CFAP299: variants seen among roughly 807,000 people sequenced by gnomAD.
CFAP299 encodes cilia- and flagella-associated protein 299.
CFAP299 carries 21 observed loss-of-function variants against 27.0 expected under a neutral mutation model. The ratio of observed to expected loss-of-function variants is 0.78; its 90% CI spans 0.55 to 1.12. CFAP299 has a LOEUF of 1.12. Ranked by LOEUF, CFAP299 falls within the 50% of genes most tolerant of loss-of-function variation. The pLI, the probability that CFAP299 is intolerant of heterozygous loss-of-function variation, is 0.00. For synonymous variants in CFAP299, 104 were observed against 98.1 expected (o/e 1.06, Z -0.36); for missense variants, 310 against 276.6 (o/e 1.12, Z -0.86).
At chr4:80,768,734 ATT>A (rs1318361437) in intron 3 of CFAP299, among the ~76,000 whole-genome samples, 1 of 152,154 alleles carries the variant, frequency 6.6e-6, no homozygotes, top group African/African-American at 2.4e-5. Context: ...TTCAATATAT[ATT>A]GTTTAAGTTT....
intron 2 of CFAP299, among the ~76,000 whole-genome samples, chr4:80,459,956 A>C (rs1350832706): frequency 6.6e-6 from 1 of 152,220 alleles, no homozygotes. Flanking sequence ...TTAATATGCA[A>C]GGGTGTGTAT....
intron 2 of CFAP299, among the ~76,000 whole-genome samples, chr4:80,520,008 G>C (rs12644366): frequency 0.068 from 10,352 of 152,206 alleles, 381 homozygotes; most frequent in South Asian, 0.17. Context: ...AGCTATACAA[G>C]AGAGGCTTTC....
chr4:80,465,875 A>T (rs1729675540), intron 2 of CFAP299, among the ~76,000 whole-genome samples: 1 of 152,192 alleles, frequency 6.6e-6, no homozygotes, highest in African/African-American at 2.4e-5. Context: ...AAACAACAAG[A>T]AAAGGAATGC....
chr4:80,926,022 G>T (rs1199111792), intron 4 of CFAP299, among the ~76,000 whole-genome samples: 3 of 152,064 alleles, frequency 2.0e-5, no homozygotes, highest in Non-Finnish European at 4.4e-5. Flanking sequence ...TCTTGTGGTT[G>T]TAGTTTCCCA....
At chr4:80,551,251 C>A (rs1465070704) in intron 2 of CFAP299, among the ~76,000 whole-genome samples, 1 of 152,106 alleles carries the variant, frequency 6.6e-6, no homozygotes, top group Non-Finnish European at 1.5e-5. Context: ...AGGGTTCTTA[C>A]AACGGTATTT....
chr4:80,854,810 G>GAA lies in CFAP299; in HGVS notation c.334-15157_334-15156dup, dbSNP rs58533748. On this transcript the variant is annotated intron_variant, in intron 3 of 5. Transcript: ENST00000358105. ...TCTAGCCAAACTCAGCTGTTGCTAT[G>GAA]AAAAAAAAAAAAAAAAAAAAAAAAA... Among the ~76,000 whole-genome samples the GAA allele has an allele frequency of 4.7e-3, 202 of 43,364 alleles. 12 individuals carry two copies. The highest frequency in any genetic ancestry group is 6.1e-3 in the South Asian group (6 of 982). The allele number at this position is 43,364 out of a possible 152,430, so 28.4% of individuals were successfully genotyped here.
intron 3 of CFAP299, among the ~76,000 whole-genome samples, chr4:80,719,633 A>C (rs1722702916): frequency 6.6e-6 from 1 of 152,252 alleles, no homozygotes; most frequent in South Asian, 2.1e-4. Flanking sequence ...CTTTGTAAGC[A>C]GTTGCAGTTT....
intron 2 of CFAP299, among the ~76,000 whole-genome samples, chr4:80,540,764 A>G (rs1733961009): frequency 6.6e-6 from 1 of 152,206 alleles, no homozygotes. Context: ...TAAAGTAAAT[A>G]TTGTATATTT....
At chr4:80,689,232 C>A (rs1220853874) in intron 3 of CFAP299, among the ~76,000 whole-genome samples, 1 of 152,044 alleles carries the variant, frequency 6.6e-6, no homozygotes, top group Admixed American at 6.6e-5. Flanking sequence ...CTCCAAGACA[C>A]ATAATTGTCA....
At chr4:80,777,730 G>C (rs1726635733) in intron 3 of CFAP299, among the ~76,000 whole-genome samples, 1 of 152,212 alleles carries the variant, frequency 6.6e-6, no homozygotes, top group South Asian at 2.1e-4. Context: ...GGAAATTTTA[G>C]TGTGACAATC....
chr4:80,790,743 T>C (rs1727514427), intron 3 of CFAP299, among the ~76,000 whole-genome samples: 1 of 152,052 alleles, frequency 6.6e-6, no homozygotes, highest in South Asian at 2.1e-4. Flanking sequence ...TGCTCTATTA[T>C]AGCAGCCCAA....
intron 2 of CFAP299, among the ~76,000 whole-genome samples, chr4:80,534,891 T>C (rs1422631330): frequency 3.3e-5 from 5 of 152,188 alleles, no homozygotes; most frequent in Non-Finnish European, 7.4e-5. Flanking sequence ...AATGTAAGAA[T>C]AATTGAAATG....
At chr4:80,808,192 A>G (rs1728962591) in intron 3 of CFAP299, among the ~76,000 whole-genome samples, 1 of 152,284 alleles carries the variant, frequency 6.6e-6, no homozygotes, top group African/African-American at 2.4e-5. Context: ...AAGTTAAACC[A>G]GTTAATTTGA....
chr4:80,787,378 A>G (rs1035496472), intron 3 of CFAP299, among the ~76,000 whole-genome samples: 2 of 151,592 alleles, frequency 1.3e-5, no homozygotes, highest in East Asian at 1.9e-4. Flanking sequence ...ACCTTTTCCT[A>G]TCCTTCTACC....
At chr4:80,907,931 T>A (rs1735265906) in intron 4 of CFAP299, among the ~76,000 whole-genome samples, 1 of 152,216 alleles carries the variant, frequency 6.6e-6, no homozygotes, top group Non-Finnish European at 1.5e-5. Context: ...CTTAAGGGCC[T>A]CCATCACATT....
intron 3 of CFAP299, among the ~76,000 whole-genome samples, chr4:80,819,476 A>G (rs1369285130): frequency 6.6e-6 from 1 of 152,148 alleles, no homozygotes; most frequent in East Asian, 1.9e-4. Context: ...CACAAGACAT[A>G]AGTAAGTTTT....
chr4:80,449,385 T>C (rs985307527), intron 2 of CFAP299, among the ~76,000 whole-genome samples: 5 of 151,996 alleles, frequency 3.3e-5, no homozygotes, highest in Admixed American at 6.5e-5. Flanking sequence ...AGAACTATTT[T>C]CTTTATTATC....
At chr4:80,615,798 G>A (rs1372233134) in intron 3 of CFAP299, among the ~76,000 whole-genome samples, 3 of 152,112 alleles carry the variant, frequency 2.0e-5, no homozygotes, top group African/African-American at 7.2e-5. Context: ...AGCAACCTCT[G>A]CAAGCCCTTT....
At chr4:80,439,297 GGGAGACCAAC>G (rs945726033) in intron 2 of CFAP299, among the ~76,000 whole-genome samples, 2 of 152,188 alleles carry the variant, frequency 1.3e-5, no homozygotes, top group Admixed American at 1.3e-4. Context: ...GCAGCTCCCA[GGGAGACCAAC>G]GCAGAAGGCA....
Sources: gnomAD v4.1 joint callset for allele counts (sites outside exome capture counted in the v4.1 genomes callset) on GRCh38, gnomAD v4.1.1 for gene constraint, MANE v1.5 for transcripts, NCBI Gene and HGNC (gene_info 2026-07-23, HGNC 2026-07-21) for gene names.